Variants in CST3 observed in about 807,000 individuals in gnomAD.
CST3 encodes the protein cystatin C.
Under a neutral mutation model 9.0 loss-of-function variants are expected in CST3, and 14 were observed. The ratio of observed to expected loss-of-function variants is 1.56; its 90% CI spans 1.03 to 2.44. The LOEUF (loss-of-function observed/expected upper bound fraction) is 2.44. Ranked by LOEUF, CST3 falls within the 30% of genes most tolerant of loss-of-function variation. CST3 has a pLI of 0.00. For synonymous variants in CST3, 96 were observed against 90.2 expected (o/e 1.06, Z -0.37); for missense variants, 237 against 204.3 (o/e 1.16, Z -0.98).
intron 2 of CST3, among the ~76,000 whole-genome samples, chr20:23,634,829 ACCC>A (rs1452210608): frequency 6.6e-6 from 1 of 151,838 alleles, no homozygotes; most frequent in Non-Finnish European, 1.5e-5. Context: ...CCTAACCTTC[ACCC>A]ATACGGATCT....
In CST3 at chr20:23,633,771, C is replaced by T; in HGVS notation, c.*145G>A. 1.3e-6 allele frequency: 1 copy of T among 749,410 alleles called. No homozygotes were observed. The highest frequency in any genetic ancestry group is 1.5e-5 in the South Asian group (1 of 68,544). The allele number at this position is 749,410 out of a possible 1,614,324, so 46.4% of individuals were successfully genotyped here. On this transcript the variant is annotated 3_prime_UTR_variant, in exon 3 of 3. Transcript: ENST00000376925. ...GCCCCTTGCTGAGCAACAAAGGCCGCCTGCTGCCTTCTCTGTCTGTCTCCT... is the reference window on the plus strand; with the variant it reads ...GCCCCTTGCTGAGCAACAAAGGCCGTCTGCTGCCTTCTCTGTCTGTCTCCT...
At position 23,633,875 on chromosome 20, in the gene CST3, G is replaced by A; in HGVS notation, c.*41C>T. On this transcript the variant is annotated 3_prime_UTR_variant, in exon 3 of 3. Transcript: ENST00000376925. ...TGGGAATACAGGGGGTGGGAGGTGT[G>A]CATAAGAGGTGATAGGCACAGGCCA... The A allele has an allele frequency of 2.0e-6, 3 of 1,522,884 alleles. No homozygotes were observed. Among genetic ancestry groups the A allele is most frequent in the Non-Finnish European group, 2.7e-6 (3 of 1,097,488 alleles). 94.3% of individuals were successfully genotyped at this position (1,522,884 alleles called of 1,614,324 possible).
downstream of CST3, among the ~76,000 whole-genome samples, chr20:23,632,930 C>T (rs1363010218): frequency 6.6e-6 from 1 of 152,210 alleles, no homozygotes; most frequent in Non-Finnish European, 1.5e-5. Context: ...CATTGTCGGT[C>T]TCATTTGTGC....
intron 2 of CST3, among the ~76,000 whole-genome samples, 174 bp downstream of exon 2, chr20:23,635,080 C>G (rs1314564608): frequency 6.6e-6 from 1 of 152,012 alleles, no homozygotes; most frequent in Non-Finnish European, 1.5e-5. Flanking sequence ...TGCACACACT[C>G]ACGTGCACTT....
At chr20:23,631,385 CA>C (rs552252481), downstream of CST3, among the ~76,000 whole-genome samples, 198 of 152,282 alleles carry the variant, frequency 1.3e-3, no homozygotes, top group African/African-American at 4.6e-3. Context: ...ACTGTAAATC[CA>C]GCCCTTAGGT....
At chr20:23,629,886 C>T (rs957525094), downstream of CST3, among the ~76,000 whole-genome samples, 6 of 152,056 alleles carry the variant, frequency 3.9e-5, no homozygotes, top group African/African-American at 1.2e-4. Flanking sequence ...CTGAAATCAC[C>T]GACAAATTTC....
At chr20:23,632,010 AG>A (rs1271374935), downstream of CST3, 1 of 152,340 alleles carries the variant, frequency 6.6e-6, no homozygotes, top group East Asian at 1.9e-4. Flanking sequence ...TCTGGGTCAG[AG>A]GGGCTTCTGG....
downstream of CST3, among the ~76,000 whole-genome samples, chr20:23,633,194 C>A (rs759022823): frequency 1.1e-4 from 17 of 152,158 alleles, no homozygotes; most frequent in African/African-American, 3.6e-4. Flanking sequence ...AAGAAGCACG[C>A]ATTGATCACT....
At chr20:23,632,621 C>T (rs959285191), downstream of CST3, among the ~76,000 whole-genome samples, 6 of 152,208 alleles carry the variant, frequency 3.9e-5, no homozygotes, top group South Asian at 2.1e-4. Flanking sequence ...CTGGCCTTGG[C>T]GCTACTGGGG....
At position 23,637,902 on chromosome 20, in the gene CST3, C is replaced by T; in HGVS notation, c.-40G>A. ...CGGGACGCGGGGAGTGGGGCGCAGG[C>T]GAGAGGCTGGAGCTAGATAGAGAGG... On this transcript the variant is annotated 5_prime_UTR_variant, in exon 1 of 3. Transcript: ENST00000376925. The T allele has an allele frequency of 1.5e-6, 2 of 1,334,666 alleles. No individual in the cohort carries two copies. The highest frequency in any genetic ancestry group is 3.7e-5 in the East Asian group (1 of 27,064). 82.7% of individuals were successfully genotyped at this position (1,334,666 alleles called of 1,614,324 possible).
chr20:23,635,208 C>A (rs762800441), intron 2 of CST3, 46 bp downstream of exon 2: 2 of 1,369,874 alleles, frequency 1.5e-6, no homozygotes, highest in Non-Finnish European at 2.1e-6. Flanking sequence ...ACACACACAC[C>A]CCTCTGCAGT....
Position 23,637,812 on chromosome 20 carries a change from C to T in CST3, c.51G>A (p.Val17=), listed in dbSNP as rs895886328. 2.3e-5 allele frequency: 34 copies of T among 1,509,040 alleles called. No individual in the cohort carries two copies. The highest frequency in any genetic ancestry group is 3.0e-5 in the Non-Finnish European group (34 of 1,130,152). The allele number at this position is 1,509,040 out of a possible 1,614,324, so 93.5% of individuals were successfully genotyped here. A position where few individuals can be genotyped will look rare whatever the true frequency, so the allele number is the denominator to read the frequency against. Residue 17 remains valine (V), a synonymous_variant, in exon 1 of 3, where the codon GTG becomes GTA. Transcript: ENST00000376925. ...APLLLLAILA[V]ALAVSPAAGS... ...CGGCCGCGGGGCTCACGGCCAGGGC[C>T]ACGGCCAGGATGGCCAGCAGGAGCA...
exon 4 of CST3, chr20:23,628,337 T>C (rs1280882259): frequency 1.3e-5 from 2 of 152,180 alleles, no homozygotes; most frequent in Admixed American, 6.5e-5. Flanking sequence ...TTACAGCCAA[T>C]TTCTCCTTGA....
downstream of CST3, among the ~76,000 whole-genome samples, chr20:23,630,415 A>G (rs1340330154): frequency 6.6e-6 from 1 of 152,232 alleles, no homozygotes; most frequent in Non-Finnish European, 1.5e-5. Context: ...ACCAAGGGTG[A>G]GAGCAGGTAT....
downstream of CST3, chr20:23,629,438 C>A (rs929104670): frequency 2.6e-5 from 4 of 152,238 alleles, no homozygotes; most frequent in African/African-American, 7.2e-5. Flanking sequence ...GGAAAGGCAG[C>A]ATTTTCCTCA....
rs534643726 is a variant in CST3, at chr20:23,634,378, G to A, written c.358-379C>T. Among the ~76,000 whole-genome samples the A allele has an allele frequency of 1.6e-4, 24 of 152,316 alleles. 1 individual carries two copies. In the South Asian group the frequency reaches 4.1e-3, roughly 26 times the overall value. ...CCCTCAGGCCAGCACTATGAAGGGC[G>A]AGAGGGAAGAACCCAGGGAACTGGA... On this transcript the variant is annotated intron_variant, in intron 2 of 2. Transcript: ENST00000376925.
downstream of CST3, among the ~76,000 whole-genome samples, chr20:23,631,492 C>T (rs1208581994): frequency 6.6e-6 from 1 of 152,212 alleles, no homozygotes; most frequent in Non-Finnish European, 1.5e-5. Context: ...TGCAGCCACG[C>T]AGGACACGGC....
Position 23,637,609 on chromosome 20 carries a change from G to C in CST3, c.243+11C>G. On this transcript the variant is annotated intron_variant, in intron 1 of 2. Transcript: ENST00000376925. ...GCCGGGGCTTCGGACCCTGCGGGGGGCGGCACGCACCTGCTTGCGGGCGCG... is the reference window on the plus strand; with the variant it reads ...GCCGGGGCTTCGGACCCTGCGGGGGCCGGCACGCACCTGCTTGCGGGCGCG... The C allele has an allele frequency of 6.6e-7, 1 of 1,512,694 alleles. No homozygotes were observed. The highest frequency in any genetic ancestry group is 8.8e-7 in the Non-Finnish European group (1 of 1,131,118). 93.7% of individuals were successfully genotyped at this position (1,512,694 alleles called of 1,614,324 possible). A position where few individuals can be genotyped will look rare whatever the true frequency, so the allele number is the denominator to read the frequency against.
chr20:23,632,894 C>T (rs923273785), downstream of CST3, among the ~76,000 whole-genome samples: 8 of 152,218 alleles, frequency 5.3e-5, no homozygotes, highest in Admixed American at 1.3e-4. Flanking sequence ...TCTCTTAATC[C>T]TCCTTGGAAA....
Sources: allele counts gnomAD v4.1 joint callset (sites outside exome capture counted in the v4.1 genomes callset), GRCh38; gene constraint gnomAD v4.1.1; transcripts MANE v1.5; gene names NCBI Gene and HGNC (gene_info 2026-07-23, HGNC 2026-07-21).